The following SLC7A10 variants were observed in gnomAD, a reference collection of about 807,000 sequenced individuals.
SLC7A10 encodes the protein solute carrier family 7 member 10.
A neutral mutation model predicts 52.7 loss-of-function variants in SLC7A10; 30 were observed. That is an observed-to-expected ratio of 0.57 (90% CI 0.43 to 0.77). The LOEUF is 0.77. Among genes scored for constraint, SLC7A10 ranks in the 30% least tolerant of loss-of-function variants. The probability of loss-of-function intolerance (pLI) is 0.00; values close to 1 mark genes in which losing one functional copy is unlikely to be tolerated. For missense variants in SLC7A10, 581 were observed against 698.5 expected (o/e 0.83, Z 1.90); for synonymous variants, 318 against 314.9 (o/e 1.01, Z -0.10).
At chr19:33,215,160 C>T (rs944428823) in intron 2 of SLC7A10, among the ~76,000 whole-genome samples, 7 of 150,620 alleles carry the variant, frequency 4.6e-5, no homozygotes, top group East Asian at 4.0e-4. Flanking sequence ...CCCAGCTACT[C>T]GGGAGTCTGA....
chr19:33,215,676 G>T, intron 2 of SLC7A10, 93 bp downstream of exon 2: 1 of 1,243,848 alleles, frequency 8.0e-7, no homozygotes, highest in Non-Finnish European at 1.1e-6. Context: ...TCCCTAGGAA[G>T]CCGGAAGCAG....
intron 1 of SLC7A10, among the ~76,000 whole-genome samples, chr19:33,218,212 C>T (rs973542645): frequency 7.9e-5 from 12 of 152,202 alleles, no homozygotes; most frequent in Middle Eastern, 3.4e-3. Flanking sequence ...GGTGGAGCTC[C>T]GGGGTAAGCC....
chr19:33,224,958 C>G (rs950251100), intron 1 of SLC7A10, among the ~76,000 whole-genome samples: 4 of 152,350 alleles, frequency 2.6e-5, no homozygotes, highest in Admixed American at 2.0e-4. Flanking sequence ...TGCTGGCTAA[C>G]CCGCCCCCTC....
intron 1 of SLC7A10, among the ~76,000 whole-genome samples, chr19:33,224,220 T>C (rs1214623145): frequency 6.6e-6 from 1 of 152,052 alleles, no homozygotes; most frequent in East Asian, 1.9e-4. Flanking sequence ...TGGAGGACAG[T>C]TCCTGGAGAG....
chr19:33,222,466 A>AC (rs1974833109), intron 1 of SLC7A10, among the ~76,000 whole-genome samples: 2 of 88,660 alleles, frequency 2.3e-5, no homozygotes, highest in East Asian at 5.2e-4. Context: ...AAATAAAATA[A>AC]ATAAAATAAA....
intron 9 of SLC7A10, among the ~76,000 whole-genome samples, chr19:33,209,802 A>T (rs1974501674): frequency 2.0e-5 from 3 of 152,130 alleles, no homozygotes; most frequent in African/African-American, 7.2e-5. Flanking sequence ...TCAGGCACTG[A>T]GCACTTCTCC....
Position 33,211,455 on chromosome 19 carries a change from T to A in SLC7A10, c.871A>T (p.Met291Leu), listed in dbSNP as rs879155168. The A allele has an allele frequency of 6.2e-7, 1 of 1,613,998 alleles. No homozygotes were observed. Among genetic ancestry groups the A allele is most frequent in the South Asian group, 1.1e-5 (1 of 91,064 alleles). The change falls in exon 6 of 11, where the codon ATG becomes TTG. Residue 291 changes from methionine to leucine, a missense_variant. Physicochemically the swap from Met to Leu is conservative, Grantham distance 15 (BLOSUM62 2). Coordinates refer to ENST00000253188, the MANE Select transcript of SLC7A10 (RefSeq NM_019849.3). The stretch of plus-strand genomic sequence containing the variant: ...GAGGAGAGCAGCTCCTGGGGGGACA[T>A]GGCCGTGAAGTAGGCAATGTTGGTG... ...TFTNIAYFTA[M>L]SPQELLSSNA...
rs372850816 is a variant in SLC7A10 at position 33,211,432 on chromosome 19, G to A, written c.894C>T (p.Ser298=). Reference sequence around the variant, plus strand: ...CACTCACCACAGCCACCGCATTGGAGGAGAGCAGCTCCTGGGGGGACATGG... The same window carrying A: ...CACTCACCACAGCCACCGCATTGGAAGAGAGCAGCTCCTGGGGGGACATGG... ...FTAMSPQELL[S]SNAVAVTFGE... is the part of the protein sequence containing the mutation. The change falls in exon 6 of 11, where the codon TCC becomes TCT. Residue 298 remains serine (S), a synonymous_variant. Coordinates refer to ENST00000253188, the MANE Select transcript of SLC7A10 (RefSeq NM_019849.3). 47 of 1,613,964 alleles carry A rather than the reference G, an allele frequency of 2.9e-5. No individual in the cohort carries two copies. Among genetic ancestry groups the A allele is most frequent in the Non-Finnish European group, 3.8e-5 (45 of 1,180,010 alleles).
chr19:33,217,085 T>A (rs1974703398), intron 1 of SLC7A10, among the ~76,000 whole-genome samples: 1 of 151,642 alleles, frequency 6.6e-6, no homozygotes, highest in Non-Finnish European at 1.5e-5. Context: ...CTATATTGCC[T>A]AGGCTGGTCT....
intron 2 of SLC7A10, among the ~76,000 whole-genome samples, chr19:33,213,613 A>G (rs370124657): frequency 6.1e-4 from 93 of 152,230 alleles, no homozygotes; most frequent in African/African-American, 2.1e-3. Flanking sequence ...AATAACAACT[A>G]GGCCCCCCAT....
chr19:33,209,345 G>A lies in SLC7A10; in HGVS notation c.1404C>T (p.Phe468=), dbSNP rs1034389024. The A allele has an allele frequency of 5.0e-6, 8 of 1,613,910 alleles. No individual in the cohort carries two copies. In the African/African-American group the frequency reaches 5.3e-5, roughly 11 times the overall value. Residue 468 remains phenylalanine, a synonymous_variant, in exon 10 of 11, where the codon TTC becomes TTT. Coordinates refer to ENST00000253188, the MANE Select transcript of SLC7A10 (RefSeq NM_019849.3). ...TGVPIFFLGV[F]WRSKPKCVHR... is the part of the protein sequence containing the mutation. ...GCACACACTTTGGTTTGCTTCTCCA[G>A]AACACTCCCAGAAAGAAAATGGGCA...
chr19:33,215,140 C>A (rs1240298480), intron 2 of SLC7A10, among the ~76,000 whole-genome samples: 2 of 151,998 alleles, frequency 1.3e-5, no homozygotes, highest in South Asian at 4.2e-4. Flanking sequence ...TGGTGGCGGG[C>A]GCCTATAATC....
chr19:33,215,749 C>T lies in SLC7A10; in HGVS notation c.356+20G>A, dbSNP rs745374798. ...ATTCCCAAGAGGGTGTCCCCCTGCC[C>T]GCTGGTGCCCCACACTCACCCAGCC... On this transcript the variant is annotated intron_variant, in intron 2 of 10. Coordinates refer to ENST00000253188, the MANE Select transcript of SLC7A10 (RefSeq NM_019849.3). 43 of 1,549,292 alleles carry T rather than the reference C, an allele frequency of 2.8e-5. No individual in the cohort carries two copies. The highest frequency in any genetic ancestry group is 7.3e-5 in the East Asian group (3 of 40,946).
chr19:33,216,727 A>C (rs933151507), intron 1 of SLC7A10, among the ~76,000 whole-genome samples: 1 of 151,918 alleles, frequency 6.6e-6, no homozygotes, highest in African/African-American at 2.4e-5. Flanking sequence ...GGCATGAGCC[A>C]CCACGCCTGG....
intron 1 of SLC7A10, chr19:33,220,476 C>T (rs938461806): frequency 1.3e-5 from 2 of 152,236 alleles, no homozygotes; most frequent in African/African-American, 2.4e-5. Context: ...GGCCTCCCCT[C>T]GGCCTTACCG....
At position 33,208,864 on chromosome 19, in the gene SLC7A10, A is replaced by G; in HGVS notation, c.*27T>C. The G allele has an allele frequency of 6.2e-7, 1 of 1,610,204 alleles. No individual in the cohort carries two copies. On this transcript the variant is annotated 3_prime_UTR_variant, in exon 11 of 11. Transcript: ENST00000253188. This position sits in a 1 kb window ranked among gnomAD's most constrained non-coding sequence, Gnocchi z 4.7. ...CTCAATAAACAACATGTAAACAGAA[A>G]CAACTGCTTCAGTCTCTACAAAAAT... is the stretch of plus-strand genomic sequence containing the variant.
chr19:33,225,662 G>A lies in SLC7A10; in HGVS notation c.42C>T (p.Pro14=). Reference sequence around the variant, plus strand: ...CTGGGGAGGGCGAGGGCGCAGGCCTGGGGTTCCCGCGCCCGCTCGGCTGCT... The same window carrying A: ...CTGGGGAGGGCGAGGGCGCAGGCCTAGGGTTCCCGCGCCCGCTCGGCTGCT... ...HTQQPSGRGN[P]RPAPSPSPVP... Residue 14 remains proline (P), a synonymous_variant, in exon 1 of 11, where the codon CCC becomes CCT. Coordinates refer to ENST00000253188, the MANE Select transcript of SLC7A10 (RefSeq NM_019849.3). 6.4e-7 allele frequency: 1 copy of A among 1,570,326 alleles called. No homozygotes were observed. Among genetic ancestry groups the A allele is most frequent in the Non-Finnish European group, 8.6e-7 (1 of 1,168,358 alleles).
rs1046642077 is a variant in SLC7A10 at position 33,210,187 on chromosome 19, A to G, written c.1263+280T>C. On this transcript the variant is annotated intron_variant, in intron 9 of 10. Coordinates refer to ENST00000253188, the MANE Select transcript of SLC7A10 (RefSeq NM_019849.3). The surrounding 1 kb of genome is among the most constrained non-coding windows in gnomAD (Gnocchi z 5.6). ...GGTCTCAAACTCCTGGGCTCCAGCA[A>G]TCCTCCCACCTCGGCCTCCCAAAGT... Among the ~76,000 whole-genome samples, 9 of 151,990 alleles carry G rather than the reference A, an allele frequency of 5.9e-5. No individual in the cohort carries two copies. Among genetic ancestry groups the G allele is most frequent in the African/African-American group, 1.9e-4 (8 of 41,382 alleles).
intron 1 of SLC7A10, chr19:33,220,780 A>G (rs10406787): frequency 0.18 from 27,450 of 152,138 alleles, 2,878 homozygotes; most frequent in African/African-American, 0.28. Flanking sequence ...GCTCCTCTCG[A>G]TCTTCCCTGA....
Sources: gnomAD v4.1 joint callset for allele counts (sites outside exome capture counted in the v4.1 genomes callset) on GRCh38, gnomAD v4.1.1 for gene constraint, Gnocchi (gnomAD v3.1) non-coding constraint, MANE v1.5 for transcripts, NCBI Gene and HGNC (gene_info 2026-07-23, HGNC 2026-07-21) for gene names.